The following HIC1 variants were observed in gnomAD, a reference collection of about 807,000 sequenced individuals.
HIC1 encodes hypermethylated in cancer 1 protein.
A neutral mutation model predicts 26.4 loss-of-function variants in HIC1; 9 were observed. The observed-to-expected ratio is 0.34, with a 90% CI of 0.21 to 0.59. The LOEUF is 0.59. Ranked by LOEUF, HIC1 falls within the 20% of genes least tolerant of loss-of-function variation. HIC1 has a pLI of 0.82. For missense variants in HIC1, 965 were observed against 1,075.7 expected (o/e 0.90, Z 1.44); for synonymous variants, 631 against 523.1 (o/e 1.21, Z -2.81).
At position 2,058,491 on chromosome 17, in the gene HIC1, G is replaced by C; in HGVS notation, c.1801G>C (p.Gly601Arg). ...GATGCACGCCGTGGGGGGCGCGGCC[G>C]GCGCGGCCGGGGCGCTGGCGGGCTT... The part of the protein sequence containing the change: ...MKMHAVGGAA[G>R]AAGALAGLGG... The change falls in exon 2 of 2, where the codon GGC (glycine) becomes CGC (arginine). Residue 601 changes from glycine (G) to arginine (R), a missense_variant. By Grantham distance (125) the Gly-to-Arg change is moderately radical (BLOSUM62 -2). This residue lies in a region of HIC1 where 210 missense variants were observed against 179.2 expected (regional missense o/e 1.17). Transcript: ENST00000619757. 6.8e-7 allele frequency: 1 copy of C among 1,479,428 alleles called. No homozygotes were observed. Among genetic ancestry groups the C allele is most frequent in the African/African-American group, 1.5e-5 (1 of 67,954 alleles). 91.6% of individuals were successfully genotyped at this position (1,479,428 alleles called of 1,614,324 possible).
In HIC1 at chr17:2,058,177, G is replaced by A. The variant is rs1245308453; in HGVS notation, c.1487G>A (p.Ser496Asn). Reference protein sequence around the residue: ...RPYRCASCDKSYKDPATLRQH... With the variant: ...RPYRCASCDKNYKDPATLRQH... ...TACCGCTGCGCGTCGTGCGACAAGA[G>A]CTACAAGGACCCGGCCACGCTGCGG... The change falls in exon 2 of 2, where the codon AGC becomes AAC. Residue 496 changes from serine to asparagine, a missense_variant. Transcript: ENST00000619757. 1.2e-6 allele frequency: 2 copies of A among 1,610,748 alleles called. No homozygotes were observed. The highest frequency in any genetic ancestry group is 2.2e-5 in the East Asian group (1 of 44,854).
In HIC1 at chr17:2,057,848, C is replaced by T. The variant is rs1443009845; in HGVS notation, c.1158C>T (p.Ser386=). The change falls in exon 2 of 2, where the codon AGC becomes AGT. Residue 386 remains serine (S), a synonymous_variant. Coordinates refer to ENST00000619757, the MANE Select transcript of HIC1 (RefSeq NM_006497.4). ...DYKSSSEETG[S]SEDPSPPGGH... is the part of the protein sequence containing the mutation. ...AGAGCAGCAGCGAGGAGACCGGTAG[C>T]AGCGAGGACCCCAGCCCGCCTGGCG... 1 of 1,585,458 alleles carries T rather than the reference C, an allele frequency of 6.3e-7. No individual in the cohort carries two copies. The highest frequency in any genetic ancestry group is 2.3e-5 in the East Asian group (1 of 43,676).
chr17:2,060,305 G>A lies in HIC1; in HGVS notation c.*1470G>A, dbSNP rs1229265372. ...TCCCCACTGAGGTACCAGCTAAAGGGGCAAGGAAAGGGCCCCTGTGTCAGT... is the reference window on the plus strand; with the variant it reads ...TCCCCACTGAGGTACCAGCTAAAGGAGCAAGGAAAGGGCCCCTGTGTCAGT... On this transcript the variant is annotated 3_prime_UTR_variant, in exon 2 of 2. Transcript: ENST00000619757. The A allele has an allele frequency of 6.6e-6, 1 of 152,282 alleles. No homozygotes were observed. The highest frequency in any genetic ancestry group is 1.5e-5 in the Non-Finnish European group (1 of 68,064). The allele number at this position is 152,282 out of a possible 1,614,324, so 9.4% of individuals were successfully genotyped here.
In HIC1 at chr17:2,057,885, G is replaced by T; in HGVS notation, c.1195G>T (p.Gly399Cys). Residue 399 changes from glycine to cysteine, a missense_variant, in exon 2 of 2, where the codon GGC (glycine) becomes TGC (cysteine). Physicochemically the swap from Gly to Cys is radical, Grantham distance 159 (BLOSUM62 -3). Transcript: ENST00000619757. Reference protein sequence around the residue: ...DPSPPGGHLEGYPCPHLAYGE... With the variant: ...DPSPPGGHLECYPCPHLAYGE... ...CAGCCCGCCTGGCGGCCACCTCGAG[G>T]GCTACCCATGCCCGCACCTGGCCTA... 1.9e-6 allele frequency: 3 copies of T among 1,601,764 alleles called. No individual in the cohort carries two copies. Among genetic ancestry groups the T allele is most frequent in the Non-Finnish European group, 2.6e-6 (3 of 1,174,938 alleles).
rs1173579123 is a variant in HIC1 at position 2,056,867 on chromosome 17, T to C, written c.177T>C (p.His59=). The C allele has an allele frequency of 6.2e-7, 1 of 1,612,918 alleles. No individual in the cohort carries two copies. Among genetic ancestry groups the C allele is most frequent in the Admixed American group, 1.7e-5 (1 of 60,030 alleles). The change falls in exon 2 of 2, where the codon CAT becomes CAC. Residue 59 remains histidine, a synonymous_variant. Coordinates refer to ENST00000619757, the MANE Select transcript of HIC1 (RefSeq NM_006497.4). ...SSAYLKSLVV[H]DNLLNLDHDM... The stretch of plus-strand genomic sequence containing the variant: ...CCTACCTCAAGTCCCTGGTGGTGCA[T>C]GACAACCTGCTCAACCTGGACCATG...
rs774831421 is a variant in HIC1 at position 2,058,865 on chromosome 17, G to C, written c.*30G>C. Reference sequence around the variant, plus strand: ...CCCCTCGCCAGCCCGCTCTGTCGCTGCTGCGCGGCCCTGGCCCGCACCCCA... The same window carrying C: ...CCCCTCGCCAGCCCGCTCTGTCGCTCCTGCGCGGCCCTGGCCCGCACCCCA... On this transcript the variant is annotated 3_prime_UTR_variant, in exon 2 of 2. Coordinates refer to ENST00000619757, the MANE Select transcript of HIC1 (RefSeq NM_006497.4). The C allele has an allele frequency of 1.4e-6, 2 of 1,410,378 alleles. No homozygotes were observed. Among genetic ancestry groups the C allele is most frequent in the Non-Finnish European group, 1.8e-6 (2 of 1,085,106 alleles). 87.4% of individuals were successfully genotyped at this position (1,410,378 alleles called of 1,614,324 possible). A position where few individuals can be genotyped will look rare whatever the true frequency, so the allele number is the denominator to read the frequency against.
chr17:2,057,992 C>T lies in HIC1; in HGVS notation c.1302C>T (p.Asn434=), dbSNP rs1215299206. Reference sequence around the variant, plus strand: ...GCTTCCCCAGCTCTGAGCAGCTGAACGCGCACGTGGAGGCTCACGTGGAGG... The same window carrying T: ...GCTTCCCCAGCTCTGAGCAGCTGAATGCGCACGTGGAGGCTCACGTGGAGG... ...GKGFPSSEQL[N]AHVEAHVEEE... Residue 434 remains asparagine (N), a synonymous_variant, in exon 2 of 2, where the codon AAC becomes AAT. Coordinates refer to ENST00000619757, the MANE Select transcript of HIC1 (RefSeq NM_006497.4). 2.5e-6 allele frequency: 4 copies of T among 1,608,070 alleles called. No individual in the cohort carries two copies. Among genetic ancestry groups the T allele is most frequent in the African/African-American group, 2.7e-5 (2 of 74,988 alleles).
chr17:2,057,670 G>A lies in HIC1; in HGVS notation c.980G>A (p.Gly327Asp), dbSNP rs867271401. The A allele has an allele frequency of 1.3e-6, 2 of 1,507,740 alleles. No homozygotes were observed. The highest frequency in any genetic ancestry group is 5.6e-5 in the East Asian group (2 of 35,532). 93.4% of individuals were successfully genotyped at this position (1,507,740 alleles called of 1,614,324 possible). ...CTGGGTAGCTATGGCGACGAGCTGG[G>A]CCGGGAGCGCGGCTCCCCCAGCGAG... ...PGLGSYGDEL[G>D]RERGSPSERC... Residue 327 changes from glycine to aspartate, a missense_variant, in exon 2 of 2, where the codon GGC becomes GAC. By Grantham distance (94) the Gly-to-Asp change is moderately conservative (BLOSUM62 -1). Around this residue, in one of 6 missense-constraint regions of HIC1, gnomAD observed 526 missense variants for 525.0 expected, o/e 1.00. Coordinates refer to ENST00000619757, the MANE Select transcript of HIC1 (RefSeq NM_006497.4).
Position 2,057,673 on chromosome 17 carries a change from G to T in HIC1, c.983G>T (p.Arg328Leu), listed in dbSNP as rs773285181. 1 of 1,506,124 alleles carries T rather than the reference G, an allele frequency of 6.6e-7. No individual in the cohort carries two copies. Among genetic ancestry groups the T allele is most frequent in the East Asian group, 2.8e-5 (1 of 35,360 alleles). 93.3% of individuals were successfully genotyped at this position (1,506,124 alleles called of 1,614,324 possible). The part of the protein sequence containing the change: ...GLGSYGDELG[R>L]ERGSPSERCE... Reference sequence around the variant, plus strand: ...GGTAGCTATGGCGACGAGCTGGGCCGGGAGCGCGGCTCCCCCAGCGAGCGC... The same window carrying T: ...GGTAGCTATGGCGACGAGCTGGGCCTGGAGCGCGGCTCCCCCAGCGAGCGC... The change falls in exon 2 of 2, where the codon CGG becomes CTG. Residue 328 changes from arginine (R) to leucine (L), a missense_variant. This residue lies in a region of HIC1 where 526 missense variants were observed against 525.0 expected (regional missense o/e 1.00). Coordinates refer to ENST00000619757, the MANE Select transcript of HIC1 (RefSeq NM_006497.4).
intron 1 of HIC1, chr17:2,056,171 G>GGCCAGGGCGGC (rs1242730318): frequency 5.6e-6 from 4 of 709,894 alleles, no homozygotes; most frequent in African/African-American, 1.8e-5. Flanking sequence ...GACAGCCCCC[G>GGCCAGGGCGGC]GCCAGGGCGG....
At position 2,055,595 on chromosome 17, in the gene HIC1, G is replaced by A. The variant is rs1291317907; in HGVS notation, c.-21+357G>A. Among the ~76,000 whole-genome samples, 2 of 151,070 alleles carry A rather than the reference G, an allele frequency of 1.3e-5. No individual in the cohort carries two copies. The highest frequency in any genetic ancestry group is 4.9e-5 in the African/African-American group (2 of 41,206). On this transcript the variant is annotated intron_variant, in intron 1 of 1. Transcript: ENST00000619757. The surrounding 1 kb of genome is among the most constrained non-coding windows in gnomAD (Gnocchi z 6.4). ...ATCGGCTAAGAGCTGCCACCGCCGC[G>A]GGGAGGGGAGCCCGGCCCGCCGGGA...
chr17:2,058,908 C>T lies in HIC1; in HGVS notation c.*73C>T, dbSNP rs773349563. Reference sequence around the variant, plus strand: ...GCACCCCAGGGAGCGGCGGGGGCGGCGCGCAGGGCCCACTGTGCCCGGGAC... The same window carrying T: ...GCACCCCAGGGAGCGGCGGGGGCGGTGCGCAGGGCCCACTGTGCCCGGGAC... On this transcript the variant is annotated 3_prime_UTR_variant, in exon 2 of 2. Transcript: ENST00000619757. The T allele has an allele frequency of 1.6e-4, 207 of 1,262,256 alleles. 1 individual carries two copies. The highest frequency in any genetic ancestry group is 2.0e-4 in the Non-Finnish European group (196 of 970,702). The allele number at this position is 1,262,256 out of a possible 1,614,324, so 78.2% of individuals were successfully genotyped here. A position where few individuals can be genotyped will look rare whatever the true frequency, so the allele number is the denominator to read the frequency against.
Position 2,061,203 on chromosome 17 carries a change from G to A in HIC1, c.*2368G>A. 1 of 359,318 alleles carries A rather than the reference G, an allele frequency of 2.8e-6. No homozygotes were observed. The highest frequency in any genetic ancestry group is 5.3e-6 in the Non-Finnish European group (1 of 188,890). 22.3% of individuals were successfully genotyped at this position (359,318 alleles called of 1,614,324 possible). ...GAGACGGGGGAGGGAGAAAGGCTGA[G>A]AGCATGGGCGGCCTATCTGGCTTGC... On this transcript the variant is annotated 3_prime_UTR_variant, in exon 2 of 2. Transcript: ENST00000619757.
Position 2,059,258 on chromosome 17 carries a change from G to T in HIC1, c.*423G>T, listed in dbSNP as rs2067709620. On this transcript the variant is annotated 3_prime_UTR_variant, in exon 2 of 2. Transcript: ENST00000619757. ...TGAATCTCCCCGCTGGGGTCGGAGC[G>T]TCGGGCAGAGTTGGGGAGTGGGGAG... is the stretch of plus-strand genomic sequence containing the variant. The T allele has an allele frequency of 1.1e-5, 2 of 182,170 alleles. No homozygotes were observed. Among genetic ancestry groups the T allele is most frequent in the Admixed American group, 1.3e-4 (2 of 15,642 alleles). 11.3% of individuals were successfully genotyped at this position (182,170 alleles called of 1,614,324 possible). A position where few individuals can be genotyped will look rare whatever the true frequency, so the allele number is the denominator to read the frequency against.
chr17:2,057,842 C>G lies in HIC1; in HGVS notation c.1152C>G (p.Thr384=), dbSNP rs375461568. 86 of 1,582,320 alleles carry G rather than the reference C, an allele frequency of 5.4e-5. No individual in the cohort carries two copies. The highest frequency in any genetic ancestry group is 6.9e-5 in the Non-Finnish European group (80 of 1,165,912). ...GDDYKSSSEE[T]GSSEDPSPPG... is the part of the protein sequence containing the mutation. ...ACTACAAGAGCAGCAGCGAGGAGAC[C>G]GGTAGCAGCGAGGACCCCAGCCCGC... The change falls in exon 2 of 2, where the codon ACC becomes ACG. Residue 384 remains threonine (T), a synonymous_variant. Coordinates refer to ENST00000619757, the MANE Select transcript of HIC1 (RefSeq NM_006497.4).
Position 2,061,405 on chromosome 17 carries a change from G to T in HIC1, c.*2570G>T. ...ATTGTCTGGGTGGATTGGTGGCTCA[G>T]GCACGTGGGCATCTTCCGTGCTACA... On this transcript the variant is annotated 3_prime_UTR_variant, in exon 2 of 2. Transcript: ENST00000619757. The T allele has an allele frequency of 7.5e-7, 1 of 1,330,564 alleles. No homozygotes were observed. Among genetic ancestry groups the T allele is most frequent in the Non-Finnish European group, 1.0e-6 (1 of 976,030 alleles). 82.4% of individuals were successfully genotyped at this position (1,330,564 alleles called of 1,614,324 possible).
intron 1 of HIC1, chr17:2,056,279 C>G (rs777445935): frequency 5.6e-6 from 9 of 1,603,916 alleles, no homozygotes; most frequent in Non-Finnish European, 6.0e-6. Context: ...GGCTCCCTTT[C>G]TCCCTACTTG....
At position 2,061,151 on chromosome 17, in the gene HIC1, G is replaced by A. The variant is rs1383576703; in HGVS notation, c.*2316G>A. 12 of 227,532 alleles carry A rather than the reference G, an allele frequency of 5.3e-5. No homozygotes were observed. Among genetic ancestry groups the A allele is most frequent in the African/African-American group, 6.8e-5 (3 of 44,056 alleles). 14.1% of individuals were successfully genotyped at this position (227,532 alleles called of 1,614,324 possible). ...GGAGAAAGTGGCTGCGTCCCCAGGC[G>A]AGAAGGCCCTCCCTCAGCCTTGGAA... is the stretch of plus-strand genomic sequence containing the variant. On this transcript the variant is annotated 3_prime_UTR_variant, in exon 2 of 2. Transcript: ENST00000619757.
At chr17:2,056,639 G>A (rs750276358) in intron 1 of HIC1, 32 bp from the exon 2 acceptor site, 1 of 1,491,720 alleles carries the variant, frequency 6.7e-7, no homozygotes, top group Non-Finnish European at 8.9e-7. Context: ...GGCGCCGCAC[G>A]GCTCTCACCC....
Sources: allele counts gnomAD v4.1 joint callset (sites outside exome capture counted in the v4.1 genomes callset), GRCh38; gene constraint gnomAD v4.1.1; regional missense constraint gnomAD v4.1.1; non-coding constraint Gnocchi (gnomAD v3.1); transcripts MANE v1.5; gene names NCBI Gene and HGNC (gene_info 2026-07-23, HGNC 2026-07-21).